Variants in FRMPD4 observed in about 807,000 individuals in gnomAD.
The protein encoded by FRMPD4 is FERM and PDZ domain containing 4.
In FRMPD4, 22 loss-of-function variants were observed where a neutral mutation model predicts 94.1. That is an observed-to-expected ratio of 0.23 (90% CI 0.17 to 0.33). The LOEUF (loss-of-function observed/expected upper bound fraction) is 0.33. Among genes scored for constraint, FRMPD4 ranks in the 10% least tolerant of loss-of-function variants. The pLI is 1.00. For missense variants in FRMPD4, 1,111 were observed against 1,339.9 expected (o/e 0.83, Z 2.67); for synonymous variants, 631 against 548.6 (o/e 1.15, Z -2.10).
intron 1 of FRMPD4, among the ~76,000 whole-genome samples, chrX:12,230,992 T>TAATATAG (rs2056985379): frequency 1.5e-5 from 1 of 65,423 alleles, no homozygotes; most frequent in Non-Finnish European, 2.8e-5. Context: ...ATAGTATATA[T>TAATATAG]AGTATATATA....
At position 12,086,711 on chromosome X, in the gene FRMPD4, T is replaced by A. The variant is rs1299536461; in HGVS notation, c.95+208693T>A. Among the ~76,000 whole-genome samples, 3 of 111,797 alleles carry A rather than the reference T, an allele frequency of 2.7e-5. 1 individual carries two copies. Among genetic ancestry groups the A allele is most frequent in the Non-Finnish European group, 5.6e-5 (3 of 53,149 alleles). On this transcript the variant is annotated intron_variant, in intron 3 of 18. Transcript: ENST00000640291. ...TCATTTTCTGTTGCTGCCTCACAAG[T>A]TACCAAAACCATAGTTGCTTAAAAC...
At chrX:12,413,564 G>A (rs1260718986) in intron 1 of FRMPD4, among the ~76,000 whole-genome samples, 1 of 112,159 alleles carries the variant, frequency 8.9e-6, no homozygotes, top group African/African-American at 3.2e-5. Flanking sequence ...TTGAGAGCCT[G>A]CATTCTAGCT....
At chrX:12,111,752 C>T (rs772401440) in intron 3 of FRMPD4, among the ~76,000 whole-genome samples, 87 of 111,681 alleles carry the variant, frequency 7.8e-4, no homozygotes, top group African/African-American at 2.7e-3. Context: ...AACAAGTGGG[C>T]GAAGGATATG....
intron 3 of FRMPD4, among the ~76,000 whole-genome samples, chrX:12,010,839 A>G (rs2054577098): frequency 1.8e-5 from 2 of 112,450 alleles, no homozygotes; most frequent in Admixed American, 1.9e-4. Context: ...TAGCCCTTCA[A>G]GGATGTGATC....
At chrX:11,911,330 G>A (rs2053996025) in intron 3 of FRMPD4, among the ~76,000 whole-genome samples, 1 of 112,358 alleles carries the variant, frequency 8.9e-6, no homozygotes, top group African/African-American at 3.2e-5. Context: ...ACTGAGAGAG[G>A]TGAGAGGACA....
intron 1 of FRMPD4, among the ~76,000 whole-genome samples, chrX:12,384,129 A>T (rs1312899062): frequency 8.9e-6 from 1 of 112,289 alleles, no homozygotes; most frequent in Admixed American, 9.4e-5. Context: ...TACCACCCCC[A>T]ATGTAGCATT....
At chrX:12,081,544 C>G (rs2055062479) in intron 3 of FRMPD4, among the ~76,000 whole-genome samples, 1 of 111,173 alleles carries the variant, frequency 9.0e-6, no homozygotes, top group Admixed American at 9.6e-5. Flanking sequence ...GATCTAGTAA[C>G]AGGCTGATAA....
chrX:11,830,478 A>G (rs1427512486), intron 1 of FRMPD4, among the ~76,000 whole-genome samples: 1 of 111,716 alleles, frequency 9.0e-6, no homozygotes, highest in Non-Finnish European at 1.9e-5. Flanking sequence ...TTGAAAACAT[A>G]GTGCCATATT....
intron 3 of FRMPD4, among the ~76,000 whole-genome samples, chrX:12,090,472 G>A (rs946712238): frequency 1.8e-5 from 2 of 109,640 alleles, no homozygotes; most frequent in African/African-American, 6.7e-5. Context: ...CCAATCTCAG[G>A]TATTTCTTTA....
At chrX:12,132,979 A>G (rs1418681549) in intron 3 of FRMPD4, among the ~76,000 whole-genome samples, 1 of 110,513 alleles carries the variant, frequency 9.0e-6, no homozygotes, top group African/African-American at 3.3e-5. Context: ...AAGGTTGGAT[A>G]AAGAGCATCA....
chrX:12,586,232 A>C (rs2058927259), intron 2 of FRMPD4, among the ~76,000 whole-genome samples: 1 of 112,581 alleles, frequency 8.9e-6, no homozygotes, highest in Admixed American at 9.4e-5. Context: ...AAAAGAGCTA[A>C]AACGCACATG....
chrX:12,377,947 T>A (rs2056262490), intron 1 of FRMPD4, among the ~76,000 whole-genome samples: 1 of 112,633 alleles, frequency 8.9e-6, no homozygotes, highest in Non-Finnish European at 1.9e-5. Context: ...AGGAGAGTCC[T>A]GTGCAAACAG....
intron 3 of FRMPD4, among the ~76,000 whole-genome samples, chrX:11,941,940 T>C (rs2054162136): frequency 8.9e-6 from 1 of 111,951 alleles, no homozygotes; most frequent in Non-Finnish European, 1.9e-5. Context: ...CAGAGGCTTC[T>C]GGAAAGAACG....
chrX:11,825,725 A>G (rs1043538057), intron 1 of FRMPD4, among the ~76,000 whole-genome samples: 1 of 112,122 alleles, frequency 8.9e-6, no homozygotes, highest in African/African-American at 3.2e-5. Flanking sequence ...AGTTAATACT[A>G]TTGTACCAAC....
intron 4 of FRMPD4, among the ~76,000 whole-genome samples, chrX:12,659,240 T>C (rs2059690332): frequency 8.9e-6 from 1 of 112,697 alleles, no homozygotes; most frequent in Non-Finnish European, 1.9e-5. Context: ...ACATTTAACT[T>C]GTCTACCCTA....
intron 2 of FRMPD4, among the ~76,000 whole-genome samples, chrX:11,868,184 C>T (rs745796245): frequency 4.0e-4 from 45 of 112,110 alleles, no homozygotes; most frequent in Non-Finnish European, 7.9e-4. Flanking sequence ...AGCACTTCTC[C>T]TGTTCTTCTG....
At chrX:11,912,237 T>G (rs2054000540) in intron 3 of FRMPD4, among the ~76,000 whole-genome samples, 1 of 112,464 alleles carries the variant, frequency 8.9e-6, no homozygotes, top group Non-Finnish European at 1.9e-5. Flanking sequence ...TGGTCTCACA[T>G]TGTTATATGT....
In FRMPD4 at chrX:12,017,113, T is replaced by C. The variant is rs142609419; in HGVS notation, c.95+139095T>C. Among the ~76,000 whole-genome samples the C allele has an allele frequency of 5.3e-3, 594 of 112,149 alleles. 1 individual carries two copies. Among genetic ancestry groups the C allele is most frequent in the African/African-American group, 0.018 (567 of 30,906 alleles). ...GTTTGTGTACGCTTCCTTACTGGCTTATCTTGTGGATTCTGATCCATTTCC... is the reference window on the plus strand; with the variant it reads ...GTTTGTGTACGCTTCCTTACTGGCTCATCTTGTGGATTCTGATCCATTTCC... On this transcript the variant is annotated intron_variant, in intron 3 of 18. Transcript: ENST00000640291.
intron 1 of FRMPD4, among the ~76,000 whole-genome samples, chrX:12,465,882 T>C (rs373588388): frequency 2.4e-4 from 27 of 111,885 alleles, no homozygotes; most frequent in Non-Finnish European, 4.0e-4. Flanking sequence ...TTTGGAAGTA[T>C]AGAAAGGGTA....
Sources: gnomAD v4.1 joint callset for allele counts (sites outside exome capture counted in the v4.1 genomes callset) on GRCh38, gnomAD v4.1.1 for gene constraint, MANE v1.5 for transcripts, NCBI Gene and HGNC (gene_info 2026-07-23, HGNC 2026-07-21) for gene names.